The following SCN11A variants were observed in gnomAD, a reference collection of about 807,000 sequenced individuals.
SCN11A encodes sodium voltage-gated channel alpha subunit 11.
Under a neutral mutation model 162.2 loss-of-function variants are expected in SCN11A, and 122 were observed. The observed-to-expected ratio is 0.75, with a 90% CI of 0.65 to 0.87. The LOEUF (loss-of-function observed/expected upper bound fraction) is 0.87. SCN11A is among the 40% of genes least tolerant of loss of function. The pLI is 0.00. For missense variants in SCN11A, 2,015 were observed against 2,181.6 expected, an observed-to-expected ratio of 0.92 and a Z score of 1.52; for synonymous variants, 758 against 751.5, an observed-to-expected ratio of 1.01 and a Z score of -0.14.
chr3:38,873,160 G>A (rs1199049990), intron 23 of SCN11A, among the ~76,000 whole-genome samples: 1 of 152,122 alleles, frequency 6.6e-6, no homozygotes, highest in Non-Finnish European at 1.5e-5. Flanking sequence ...TTTCATATGA[G>A]GAATTAGGAT....
At chr3:38,884,899 G>C (rs1037449817) in intron 21 of SCN11A, among the ~76,000 whole-genome samples, 2 of 152,202 alleles carry the variant, frequency 1.3e-5, no homozygotes, top group Admixed American at 1.3e-4. Context: ...TTGAGCTCAG[G>C]CAGTCTGGCT....
chr3:38,896,850 G>A lies in SCN11A; in HGVS notation c.2398C>T (p.Leu800Phe). ...AAAAAATCTAAGACACATACCACAA[G>A]TTTTCCTATCACCGTGATCAATATG... Reference protein sequence around the residue: ...VFILITVIGKLVVLNLFIALL... With the variant: ...VFILITVIGKFVVLNLFIALL... Residue 800 changes from leucine to phenylalanine, a missense_variant, in exon 18 of 30, where the codon CTT becomes TTT. By Grantham distance (22) the Leu-to-Phe change is conservative. Coordinates refer to ENST00000302328, the MANE Select transcript of SCN11A (RefSeq NM_001349253.2). 5 of 1,492,266 alleles carry A rather than the reference G, an allele frequency of 3.4e-6. No individual in the cohort carries two copies. Among genetic ancestry groups the A allele is most frequent in the East Asian group, 2.4e-5 (1 of 40,842 alleles). 92.4% of individuals were successfully genotyped at this position (1,492,266 alleles called of 1,614,324 possible).
chr3:38,867,529 A>G, intron 26 of SCN11A, 71 bp from the exon 27 acceptor site: 2 of 1,192,906 alleles, frequency 1.7e-6, no homozygotes, highest in Non-Finnish European at 2.4e-6. Context: ...TAACTACCTT[A>G]TCTAGAAGAC....
intron 2 of SCN11A, among the ~76,000 whole-genome samples, chr3:38,970,272 C>G (rs2066809097): frequency 6.6e-6 from 1 of 152,168 alleles, no homozygotes; most frequent in South Asian, 2.1e-4. Context: ...GATTTCAATA[C>G]TGTTTCCAAT....
intron 7 of SCN11A, among the ~76,000 whole-genome samples, chr3:38,936,407 T>C (rs2066332805): frequency 6.8e-6 from 1 of 146,426 alleles, no homozygotes; most frequent in South Asian, 2.2e-4. Context: ...GGGTATTCAA[T>C]TAGGAAAAGA....
chr3:38,901,657 G>T (rs1456228880), intron 16 of SCN11A, among the ~76,000 whole-genome samples: 1 of 152,176 alleles, frequency 6.6e-6, no homozygotes, highest in Non-Finnish European at 1.5e-5. Context: ...ATGCATCAGA[G>T]GAGGGAAGTT....
At chr3:38,957,538 T>A (rs2125581997) in intron 3 of SCN11A, among the ~76,000 whole-genome samples, 1 of 152,232 alleles carries the variant, frequency 6.6e-6, no homozygotes, top group South Asian at 2.1e-4. Flanking sequence ...GGTTACGACT[T>A]GACGTGGGGA....
intron 5 of SCN11A, among the ~76,000 whole-genome samples, chr3:38,947,582 C>T (rs567195495): frequency 6.6e-6 from 1 of 152,294 alleles, no homozygotes; most frequent in East Asian, 1.9e-4. Context: ...CCCAGGGATG[C>T]CAAACAGGAC....
chr3:38,863,435 A>G, intron 27 of SCN11A, 136 bp from the exon 28 acceptor site: 1 of 576,476 alleles, frequency 1.7e-6, no homozygotes, highest in Non-Finnish European at 3.1e-6. Context: ...AGCTTAAGAG[A>G]CTGGACCATA....
intron 7 of SCN11A, among the ~76,000 whole-genome samples, chr3:38,944,662 T>C (rs1196618273): frequency 6.6e-5 from 10 of 150,530 alleles, no homozygotes; most frequent in Non-Finnish European, 1.3e-4. Flanking sequence ...CTCAAGAAAA[T>C]AATAATTTAA....
chr3:38,849,123 C>T (rs1268279660), intron 29 of SCN11A, among the ~76,000 whole-genome samples: 3 of 152,166 alleles, frequency 2.0e-5, no homozygotes, highest in Admixed American at 1.3e-4. Context: ...AGAAACATTT[C>T]CGCAAAGTGC....
At position 38,846,900 on chromosome 3, in the gene SCN11A, T is replaced by G; in HGVS notation, c.5170A>C (p.Ile1724Leu). The G allele has an allele frequency of 6.2e-7, 1 of 1,614,138 alleles. No homozygotes were observed. Among genetic ancestry groups the G allele is most frequent in the Non-Finnish European group, 8.5e-7 (1 of 1,180,006 alleles). Reference sequence around the variant, plus strand: ...TCCTTTCTCTTGGTGGTGGTGACTATGGGTTCATACAACTTCTTGAGAGGA... The same window carrying G: ...TCCTTTCTCTTGGTGGTGGTGACTAGGGGTTCATACAACTTCTTGAGAGGA... ...ANPLKKLYEP[I>L]VTTTKRKEEE... The change falls in exon 30 of 30, where the codon ATA becomes CTA. Residue 1724 changes from isoleucine (I) to leucine (L), a missense_variant. Physicochemically the swap from Ile to Leu is conservative, Grantham distance 5. Coordinates refer to ENST00000302328, the MANE Select transcript of SCN11A (RefSeq NM_001349253.2).
chr3:38,900,106 A>C, intron 16 of SCN11A, 33 bp from the exon 17 acceptor site: 1 of 1,568,406 alleles, frequency 6.4e-7, no homozygotes, highest in Non-Finnish European at 8.8e-7. Flanking sequence ...GAGAGAAGGA[A>C]GCTGCGGAGA....
chr3:38,890,980 C>G (rs971712668), intron 19 of SCN11A, among the ~76,000 whole-genome samples: 1 of 151,926 alleles, frequency 6.6e-6, no homozygotes, highest in Non-Finnish European at 1.5e-5. Context: ...ATGTCCAATT[C>G]AAAACAAAAC....
At chr3:38,930,097 G>A (rs2066217836) in intron 7 of SCN11A, among the ~76,000 whole-genome samples, 1 of 152,156 alleles carries the variant, frequency 6.6e-6, no homozygotes. Context: ...TACTGAGTCT[G>A]CAAGCACAAA....
chr3:38,858,315 G>A (rs1024411210), intron 28 of SCN11A, among the ~76,000 whole-genome samples: 1 of 152,094 alleles, frequency 6.6e-6, no homozygotes, highest in Non-Finnish European at 1.5e-5. Context: ...AAGGTAAAGG[G>A]TGGAAAAAGA....
At chr3:39,009,763 A>G (rs1444976367) in intron 2 of SCN11A, among the ~76,000 whole-genome samples, 1 of 150,510 alleles carries the variant, frequency 6.6e-6, no homozygotes, top group African/African-American at 2.5e-5. Context: ...TGCAGCCTTG[A>G]CCTCTAGAAC....
chr3:38,891,294 G>C (rs907257244), intron 19 of SCN11A, among the ~76,000 whole-genome samples: 1 of 151,984 alleles, frequency 6.6e-6, no homozygotes, highest in South Asian at 2.1e-4. Flanking sequence ...GAGACCAACA[G>C]TACATTTGAA....
intron 18 of SCN11A, among the ~76,000 whole-genome samples, chr3:38,896,070 C>CAA (rs1263394415): frequency 6.6e-6 from 1 of 152,144 alleles, no homozygotes; most frequent in African/African-American, 2.4e-5. Context: ...GCTTATACAA[C>CAA]AAAAATCTGT....
Sources: gnomAD v4.1 joint callset for allele counts (sites outside exome capture counted in the v4.1 genomes callset) on GRCh38, gnomAD v4.1.1 for gene constraint, MANE v1.5 for transcripts, NCBI Gene and HGNC (gene_info 2026-07-23, HGNC 2026-07-21) for gene names.